PTBP2: variants seen among roughly 807,000 people sequenced by gnomAD.
PTBP2 encodes polypyrimidine tract binding protein 2, also known as polypyrimidine tract-binding protein 2.
In PTBP2, 13 loss-of-function variants were observed where a neutral mutation model predicts 61.4. The observed-to-expected ratio is 0.21, with a 90% CI of 0.14 to 0.34. The LOEUF is 0.34. PTBP2 is among the 10% of genes least tolerant of loss of function. PTBP2 has a pLI of 1.00. For missense variants in PTBP2, 405 were observed against 642.6 expected, an observed-to-expected ratio of 0.63 and a Z score of 4.00; for synonymous variants, 215 against 218.5, an observed-to-expected ratio of 0.98 and a Z score of 0.14.
chr1:96,814,435 G>T lies in PTBP2; in HGVS notation c.*1030G>T, dbSNP rs1276282551. The T allele has an allele frequency of 6.6e-6, 1 of 152,510 alleles. No individual in the cohort carries two copies. The highest frequency in any genetic ancestry group is 2.4e-5 in the African/African-American group (1 of 41,430). The allele number at this position is 152,510 out of a possible 1,614,324, so 9.4% of individuals were successfully genotyped here. On this transcript the variant is annotated 3_prime_UTR_variant, in exon 14 of 14. Coordinates refer to ENST00000674951, the MANE Select transcript of PTBP2 (RefSeq NM_021190.4). ...GCAGTTTTCTAAAACTGACAACCAG[G>T]TGGGACCAAAGTTTATGTGCCTTTA...
At chr1:96,755,245 T>C (rs1478016845) in intron 3 of PTBP2, among the ~76,000 whole-genome samples, 1 of 152,206 alleles carries the variant, frequency 6.6e-6, no homozygotes, top group Non-Finnish European at 1.5e-5. Flanking sequence ...GTGAAAAAGC[T>C]GGTCAGCATC....
intron 2 of PTBP2, chr1:96,751,205 T>A: frequency 1.6e-6 from 1 of 610,842 alleles, no homozygotes; most frequent in South Asian, 1.7e-5. Context: ...TTATTGTCTT[T>A]TGGGCTTAGA....
chr1:96,805,056 A>G (rs773507965), intron 9 of PTBP2, 117 bp downstream of exon 9: 28 of 767,670 alleles, frequency 3.6e-5, no homozygotes, highest in Non-Finnish European at 5.1e-5. Flanking sequence ...TAGTCAAAGT[A>G]TTTTCTGTAT....
intron 7 of PTBP2, among the ~76,000 whole-genome samples, chr1:96,783,559 G>A (rs1658921353): frequency 6.6e-6 from 1 of 152,016 alleles, no homozygotes; most frequent in African/African-American, 2.4e-5. Context: ...CCTAGATACT[G>A]TGACTCAAAC....
In PTBP2 at chr1:96,723,549, A is replaced by G. The variant is rs1224098710; in HGVS notation, c.9-15A>G. ...GAATAACAGGAGGTTGAAACTACTT[A>G]TTTTTTCTTTGCAGAATCGTCACTG... On this transcript the variant is annotated splice_polypyrimidine_tract_variant and intron_variant, in intron 1 of 13. Transcript: ENST00000674951. 14 of 1,567,776 alleles carry G rather than the reference A, an allele frequency of 8.9e-6. No individual in the cohort carries two copies. The highest frequency in any genetic ancestry group is 1.0e-5 in the Non-Finnish European group (12 of 1,147,906).
chr1:96,744,035 AC>A (rs1570754521), intron 2 of PTBP2, among the ~76,000 whole-genome samples: 2 of 152,142 alleles, frequency 1.3e-5, no homozygotes, highest in African/African-American at 4.8e-5. Context: ...TACTAAAAAT[AC>A]AAAAATTAGC....
chr1:96,756,416 G>A (rs1655166677), intron 3 of PTBP2, among the ~76,000 whole-genome samples: 1 of 152,144 alleles, frequency 6.6e-6, no homozygotes, highest in African/African-American at 2.4e-5. Context: ...TACTTTCATT[G>A]TATGATCCAG....
At chr1:96,730,493 G>A (rs1651250710) in intron 2 of PTBP2, among the ~76,000 whole-genome samples, 1 of 152,046 alleles carries the variant, frequency 6.6e-6, no homozygotes, top group Non-Finnish European at 1.5e-5. Context: ...CCAAATATTT[G>A]GAGTTTTCCA....
intron 7 of PTBP2, among the ~76,000 whole-genome samples, chr1:96,781,819 C>T (rs1658704972): frequency 6.6e-6 from 1 of 151,934 alleles, no homozygotes; most frequent in Admixed American, 6.6e-5. Context: ...TAGTAACAAT[C>T]TTAATTATCA....
intron 9 of PTBP2, among the ~76,000 whole-genome samples, chr1:96,805,807 C>G (rs979436856): frequency 3.3e-5 from 5 of 152,076 alleles, no homozygotes; most frequent in Admixed American, 2.6e-4. Flanking sequence ...AGACTTTTGC[C>G]TGCATTTCAT....
chr1:96,730,778 A>G (rs1051495753), intron 2 of PTBP2, among the ~76,000 whole-genome samples: 2 of 152,224 alleles, frequency 1.3e-5, no homozygotes, highest in East Asian at 1.9e-4. Flanking sequence ...TTTGAGGCTC[A>G]GCCTGCTTTC....
intron 3 of PTBP2, among the ~76,000 whole-genome samples, chr1:96,753,482 C>T (rs1654814336): frequency 2.6e-5 from 4 of 151,768 alleles, no homozygotes; most frequent in Admixed American, 1.3e-4. Context: ...CAAAACAAAA[C>T]AACACCCCCA....
intron 3 of PTBP2, among the ~76,000 whole-genome samples, chr1:96,752,379 A>G (rs1340879111): frequency 6.6e-6 from 1 of 152,162 alleles, no homozygotes; most frequent in East Asian, 1.9e-4. Context: ...ACTAGAAGAC[A>G]TTTTGATTTC....
intron 8 of PTBP2, among the ~76,000 whole-genome samples, chr1:96,799,412 C>T (rs1158310393): frequency 1.3e-5 from 2 of 150,572 alleles, no homozygotes; most frequent in East Asian, 2.0e-4. Context: ...TCTTCTGCCT[C>T]AGCCTCCCGA....
chr1:96,772,955 A>T (rs1335160982), intron 5 of PTBP2, among the ~76,000 whole-genome samples: 1 of 146,860 alleles, frequency 6.8e-6, no homozygotes, highest in African/African-American at 2.7e-5. Flanking sequence ...TCTACTAAAA[A>T]TACAAAAAAA....
chr1:96,804,891 C>G lies in PTBP2; in HGVS notation c.996C>G (p.Val332=). ...CTGGCCGAGTGGGTATGCCTGGAGT[C>G]TCAGCTGGTGGCAATACAGTCCTGT... The part of the protein sequence containing the change: ...AAAGRVGMPG[V]SAGGNTVLLV... The change falls in exon 9 of 14, where the codon GTC becomes GTG. Residue 332 remains valine, a synonymous_variant. Transcript: ENST00000674951. 2 of 1,611,252 alleles carry G rather than the reference C, an allele frequency of 1.2e-6. No individual in the cohort carries two copies. Among genetic ancestry groups the G allele is most frequent in the Non-Finnish European group, 1.7e-6 (2 of 1,178,436 alleles).
At chr1:96,795,133 C>T (rs1660245079) in intron 8 of PTBP2, among the ~76,000 whole-genome samples, 1 of 152,108 alleles carries the variant, frequency 6.6e-6, no homozygotes, top group Non-Finnish European at 1.5e-5. Context: ...GATTCATCAA[C>T]TATTTTTAGG....
chr1:96,736,326 C>T (rs114102787), intron 2 of PTBP2, among the ~76,000 whole-genome samples: 3,025 of 151,896 alleles, frequency 0.02, 109 homozygotes, highest in African/African-American at 0.069. Flanking sequence ...AATTACTGAC[C>T]ATATAAGAAT....
intron 2 of PTBP2, among the ~76,000 whole-genome samples, chr1:96,749,290 G>A (rs1259302646): frequency 6.6e-6 from 1 of 152,082 alleles, no homozygotes; most frequent in African/African-American, 2.4e-5. Flanking sequence ...TTTACAGTGT[G>A]TATACTCTAG....
Sources: allele counts gnomAD v4.1 joint callset (sites outside exome capture counted in the v4.1 genomes callset), GRCh38; gene constraint gnomAD v4.1.1; transcripts MANE v1.5; gene names NCBI Gene and HGNC (gene_info 2026-07-23, HGNC 2026-07-21).